ADAMTS17: variants seen among roughly 807,000 people sequenced by gnomAD.
ADAMTS17 encodes ADAM metallopeptidase with thrombospondin type 1 motif 17.
In ADAMTS17, 113 loss-of-function variants were observed where a neutral mutation model predicts 141.5. The ratio of observed to expected loss-of-function variants is 0.80; its 90% CI spans 0.69 to 0.93. The LOEUF (loss-of-function observed/expected upper bound fraction) is 0.93, where lower values mean the gene tolerates loss of function less well. Among genes scored for constraint, ADAMTS17 ranks in the 40% least tolerant of loss-of-function variants. The pLI is 0.00. For missense variants in ADAMTS17, 1,659 were observed against 1,517.9 expected (o/e 1.09, Z -1.54); for synonymous variants, 768 against 630.6 (o/e 1.22, Z -3.27).
At chr15:100,195,702 A>C (rs988268211) in intron 8 of ADAMTS17, among the ~76,000 whole-genome samples, 3 of 150,372 alleles carry the variant, frequency 2.0e-5, no homozygotes, top group Non-Finnish European at 2.9e-5. Flanking sequence ...CGAGTGTCCT[A>C]GGGAACCCCT....
At chr15:100,100,827 T>G (rs1425942786) in intron 14 of ADAMTS17, among the ~76,000 whole-genome samples, 4 of 152,118 alleles carry the variant, frequency 2.6e-5, no homozygotes, top group Non-Finnish European at 5.9e-5. Flanking sequence ...CATATGAATT[T>G]AAGACCCTCC....
chr15:100,010,338 T>C (rs1465747001), intron 18 of ADAMTS17, among the ~76,000 whole-genome samples: 2 of 152,182 alleles, frequency 1.3e-5, no homozygotes, highest in African/African-American at 2.4e-5. Context: ...AGTAAATATA[T>C]TGGGCATGGG....
chr15:100,260,447 C>G (rs1174916964), intron 6 of ADAMTS17, among the ~76,000 whole-genome samples: 1 of 151,872 alleles, frequency 6.6e-6, no homozygotes, highest in Non-Finnish European at 1.5e-5. Context: ...AACCCCATCT[C>G]TACTAAAAAT....
Position 99,974,303 on chromosome 15 carries a change from T to G in ADAMTS17, c.*99A>C, listed in dbSNP as rs58960452. The G allele has an allele frequency of 4.0e-6, 6 of 1,510,092 alleles. No individual in the cohort carries two copies. The highest frequency in any genetic ancestry group is 2.3e-5 in the East Asian group (1 of 44,408). 93.5% of individuals were successfully genotyped at this position (1,510,092 alleles called of 1,614,324 possible). On this transcript the variant is annotated 3_prime_UTR_variant, in exon 22 of 22. Coordinates refer to ENST00000268070, the MANE Select transcript of ADAMTS17 (RefSeq NM_139057.4). ...CATGTTCTATGTAGTTGGATTCTTG[T>G]GGCAGCCGGGTGGGGGCGTGGCCAC... is the stretch of plus-strand genomic sequence containing the variant.
chr15:100,047,978 C>G (rs1440123091), intron 18 of ADAMTS17, among the ~76,000 whole-genome samples: 2 of 152,070 alleles, frequency 1.3e-5, no homozygotes, highest in African/African-American at 2.4e-5. Context: ...TTCTTTTTTT[C>G]CTTCCTGTCT....
intron 21 of ADAMTS17, among the ~76,000 whole-genome samples, chr15:99,975,107 C>T (rs903668885): frequency 6.6e-6 from 1 of 152,218 alleles, no homozygotes; most frequent in Non-Finnish European, 1.5e-5. Context: ...AACAAAGATA[C>T]TAGAAATCCC....
chr15:100,326,058 G>C (rs1043824518), intron 3 of ADAMTS17, among the ~76,000 whole-genome samples: 1 of 152,206 alleles, frequency 6.6e-6, no homozygotes, highest in East Asian at 1.9e-4. Context: ...TCCACACACA[G>C]AAGCACAGAG....
chr15:100,291,431 A>G (rs1423975099), intron 3 of ADAMTS17, among the ~76,000 whole-genome samples: 4 of 152,232 alleles, frequency 2.6e-5, no homozygotes, highest in Non-Finnish European at 4.4e-5. Context: ...TACTATGAAA[A>G]TAAATTTGGA....
In ADAMTS17 at chr15:100,107,407, T is replaced by C. The variant is rs143132157; in HGVS notation, c.2016+1582A>G. 2.7e-3 allele frequency among the ~76,000 whole-genome samples: 412 copies of C among 152,222 alleles called. 6 individuals carry two copies. The highest frequency in any genetic ancestry group is 4.0e-4 in the Non-Finnish European group (27 of 68,006). On this transcript the variant is annotated intron_variant, in intron 14 of 21. Transcript: ENST00000268070. ...CTGCTCCAGACATCAGGAGCTGCCA[T>C]TGTCACTAGCTCTTGGTGGGCTCCC...
At chr15:100,309,864 G>A (rs925321970) in intron 3 of ADAMTS17, among the ~76,000 whole-genome samples, 1 of 152,182 alleles carries the variant, frequency 6.6e-6, no homozygotes, top group Non-Finnish European at 1.5e-5. Context: ...AGTAGCCAAC[G>A]CCTGTACACA....
chr15:100,226,005 G>A (rs2042299252), intron 7 of ADAMTS17, among the ~76,000 whole-genome samples: 1 of 146,030 alleles, frequency 6.8e-6, no homozygotes, highest in Non-Finnish European at 1.5e-5. Context: ...CATAGCCTCT[G>A]TGCCATTCAG....
intron 20 of ADAMTS17, among the ~76,000 whole-genome samples, chr15:99,985,165 C>T (rs1305789010): frequency 6.6e-6 from 1 of 152,264 alleles, no homozygotes; most frequent in Non-Finnish European, 1.5e-5. Flanking sequence ...CACAGTGTTC[C>T]ACACCAAAGA....
Position 100,051,706 on chromosome 15 carries a change from T to C in ADAMTS17, c.2321A>G (p.Tyr774Cys). 1.2e-6 allele frequency: 2 copies of C among 1,614,204 alleles called. No individual in the cohort carries two copies. Among genetic ancestry groups the C allele is most frequent in the Non-Finnish European group, 8.5e-7 (1 of 1,180,038 alleles). The change falls in exon 17 of 22, where the codon TAT (tyrosine) becomes TGT (cysteine). Residue 774 changes from tyrosine (Y) to cysteine (C), a missense_variant. Coordinates refer to ENST00000268070, the MANE Select transcript of ADAMTS17 (RefSeq NM_139057.4). ...LMVLLFHDQD[Y>C]GIHYEYTVPV... ...AACAGTGTATTCATAATGAATTCCA[T>C]AATCTTGGTCGTGAAATAACAACAC...
In ADAMTS17 at chr15:100,341,954, A is replaced by T; in HGVS notation, c.-55T>A. ...CGTGGCGGCGAAGCAGGAGCGCGCT[A>T]GGCGGCGGCGCCAGCCGGAGTGAAG... On this transcript the variant is annotated 5_prime_UTR_variant, in exon 1 of 22. Transcript: ENST00000268070. 6.5e-7 allele frequency: 1 copy of T among 1,541,854 alleles called. No individual in the cohort carries two copies. Among genetic ancestry groups the T allele is most frequent in the Non-Finnish European group, 8.8e-7 (1 of 1,142,104 alleles).
chr15:100,103,203 C>T (rs190737730), intron 14 of ADAMTS17, among the ~76,000 whole-genome samples: 10 of 152,294 alleles, frequency 6.6e-5, no homozygotes, highest in Admixed American at 3.9e-4. Flanking sequence ...ATGACCTTCA[C>T]GTTTCAGGCA....
intron 15 of ADAMTS17, among the ~76,000 whole-genome samples, chr15:100,062,163 C>T (rs75280487): frequency 0.023 from 3,511 of 152,326 alleles, 142 homozygotes; most frequent in African/African-American, 0.078. Context: ...GGCAGGGACA[C>T]TGTCCATGCA....
chr15:100,053,947 ACAGCCCCCTTCTC>A lies in ADAMTS17; in HGVS notation c.2232_2244del (p.Arg745GlyfsTer16). ...GGTCCCTTGGCAGAGATCTTCTCCC[ACAGCCCCCTTCTC>A]ACATAGCGAACAGTTGTGCCTGCAA... On this transcript the variant is annotated frameshift_variant, in exon 16 of 22. Transcript: ENST00000268070. LOFTEE classifies it high-confidence loss of function. 3 of 1,614,192 alleles carry A rather than the reference ACAGCCCCCTTCTC, an allele frequency of 1.9e-6. No individual in the cohort carries two copies. Among genetic ancestry groups the A allele is most frequent in the Non-Finnish European group, 2.5e-6 (3 of 1,180,030 alleles).
At chr15:100,269,096 A>C (rs1451307270) in intron 4 of ADAMTS17, among the ~76,000 whole-genome samples, 9 of 152,202 alleles carry the variant, frequency 5.9e-5, no homozygotes, top group African/African-American at 2.2e-4. Context: ...ATGAAACTGG[A>C]CCCCTATTTT....
intron 10 of ADAMTS17, 120 bp downstream of exon 10, chr15:100,152,492 T>TTG (rs1422124452): frequency 7.6e-7 from 1 of 1,322,294 alleles, no homozygotes; most frequent in Non-Finnish European, 1.1e-6. Context: ...ATACCTGTGC[T>TTG]TGTGTGTGTA....
Sources: gnomAD v4.1 joint callset for allele counts (sites outside exome capture counted in the v4.1 genomes callset) on GRCh38, gnomAD v4.1.1 for gene constraint, MANE v1.5 for transcripts, NCBI Gene and HGNC (gene_info 2026-07-23, HGNC 2026-07-21) for gene names.